The following POU6F2 variants were observed in gnomAD, a reference collection of about 807,000 sequenced individuals.
The protein encoded by POU6F2 is POU domain, class 6, transcription factor 2.
Under a neutral mutation model 71.3 loss-of-function variants are expected in POU6F2, and 31 were observed. That is an observed-to-expected ratio of 0.43 (90% CI 0.33 to 0.59). POU6F2 has a LOEUF of 0.59. Ranked by LOEUF, POU6F2 falls within the 20% of genes least tolerant of loss-of-function variation. POU6F2 has a pLI of 0.04. For missense variants in POU6F2, 783 were observed against 856.8 expected, an observed-to-expected ratio of 0.91 and a Z score of 1.07; for synonymous variants, 347 against 355.7, an observed-to-expected ratio of 0.98 and a Z score of 0.27.
At chr7:39,391,664 C>T (rs1787078356) in intron 5 of POU6F2, among the ~76,000 whole-genome samples, 1 of 152,188 alleles carries the variant, frequency 6.6e-6, no homozygotes, top group African/African-American at 2.4e-5. Flanking sequence ...TGGCAACCCT[C>T]TCTTGCAAAG....
At chr7:39,172,355 A>G (rs569080333) in intron 2 of POU6F2, among the ~76,000 whole-genome samples, 4 of 152,240 alleles carry the variant, frequency 2.6e-5, no homozygotes, top group African/African-American at 9.6e-5. Flanking sequence ...CATCCAGGTA[A>G]CATCATTTTG....
At chr7:39,136,645 G>T (rs529233005) in intron 2 of POU6F2, among the ~76,000 whole-genome samples, 1 of 152,188 alleles carries the variant, frequency 6.6e-6, no homozygotes, top group African/African-American at 2.4e-5. Flanking sequence ...TTGTCTCAAT[G>T]ATTGTTCCTT....
intron 4 of POU6F2, among the ~76,000 whole-genome samples, chr7:39,213,085 T>TAAATGTGCTACATAGGAGATTTATGTCA (rs2128747037): frequency 6.6e-6 from 1 of 152,352 alleles, no homozygotes; most frequent in African/African-American, 2.4e-5. Context: ...ATGGAGAATA[T>TAAATGTGCTACATAGGAGATTTATGTCA]AAATGTGCTA....
rs1788225563 is a variant in POU6F2, at chr7:38,978,054, G to A, written c.101G>A (p.Gly34Asp). ...QDTGTMQAVIGQDPMIAGQVS... is the reference protein window; with the variant it reads ...QDTGTMQAVIDQDPMIAGQVS... ...ACGGGGACCATGCAAGCTGTAATTG[G>A]TCAGGTATGGAGTCAGCCATTTCTC... The change falls in exon 1 of 10, where the codon GGT becomes GAT. Residue 34 changes from glycine (G) to aspartate (D), a missense_variant. Coordinates refer to ENST00000518318, the MANE Select transcript of POU6F2 (RefSeq NM_001370959.1). 1 of 152,190 alleles carries A rather than the reference G, an allele frequency of 6.6e-6. No homozygotes were observed. The highest frequency in any genetic ancestry group is 1.5e-5 in the Non-Finnish European group (1 of 68,062). The allele number at this position is 152,190 out of a possible 1,614,324, so 9.4% of individuals were successfully genotyped here.
chr7:39,421,100 G>C (rs182931892), intron 6 of POU6F2, among the ~76,000 whole-genome samples: 28 of 152,170 alleles, frequency 1.8e-4, no homozygotes, highest in African/African-American at 6.5e-4. Flanking sequence ...CTAATCATTA[G>C]GGATAAGGCT....
At chr7:39,301,684 A>G (rs1784950905) in intron 4 of POU6F2, among the ~76,000 whole-genome samples, 1 of 152,156 alleles carries the variant, frequency 6.6e-6, no homozygotes, top group Non-Finnish European at 1.5e-5. Context: ...TCCAGTCACT[A>G]ATGAAATGTT....
At chr7:38,984,057 C>CT (rs899757257) in intron 1 of POU6F2, among the ~76,000 whole-genome samples, 10 of 151,936 alleles carry the variant, frequency 6.6e-5, no homozygotes, top group African/African-American at 2.4e-4. Flanking sequence ...TTCAACAGCA[C>CT]TTTTTTAATT....
chr7:39,410,450 G>A (rs1787528971), intron 6 of POU6F2, among the ~76,000 whole-genome samples: 1 of 152,218 alleles, frequency 6.6e-6, no homozygotes, highest in Non-Finnish European at 1.5e-5. Context: ...AATTGATCAT[G>A]ACTATGGCAT....
intron 5 of POU6F2, among the ~76,000 whole-genome samples, chr7:39,372,897 G>A (rs1159545174): frequency 2.0e-5 from 3 of 151,862 alleles, no homozygotes; most frequent in African/African-American, 7.3e-5. Context: ...CTGAGTAATA[G>A]TAAGGATAAT....
At chr7:39,390,350 A>T (rs1334875584) in intron 5 of POU6F2, among the ~76,000 whole-genome samples, 1 of 152,156 alleles carries the variant, frequency 6.6e-6, no homozygotes, top group Non-Finnish European at 1.5e-5. Flanking sequence ...GAGCTGAGAT[A>T]GTGCCACTGC....
chr7:38,998,833 T>TA (rs1305783624), intron 1 of POU6F2, among the ~76,000 whole-genome samples: 19 of 142,672 alleles, frequency 1.3e-4, no homozygotes, highest in Admixed American at 1.3e-3. Context: ...TTTTTTTTTT[T>TA]TTTTTTATTT....
intron 5 of POU6F2, among the ~76,000 whole-genome samples, chr7:39,378,760 T>C (rs569447539): frequency 2.0e-5 from 3 of 152,314 alleles, no homozygotes; most frequent in South Asian, 4.2e-4. Context: ...GGAACACCAA[T>C]GTGAAATCCT....
intron 4 of POU6F2, among the ~76,000 whole-genome samples, chr7:39,212,566 A>G (rs755798044): frequency 7.9e-5 from 12 of 152,072 alleles, no homozygotes; most frequent in African/African-American, 2.7e-4. Flanking sequence ...AGTACCATCC[A>G]TCATCAGCTA....
At chr7:39,334,361 G>A (rs1361493573) in intron 4 of POU6F2, among the ~76,000 whole-genome samples, 1 of 152,092 alleles carries the variant, frequency 6.6e-6, no homozygotes, top group African/African-American at 2.4e-5. Flanking sequence ...AGGGAGGATT[G>A]GAGGCATATG....
chr7:39,290,399 C>A (rs978569280), intron 4 of POU6F2, among the ~76,000 whole-genome samples: 7 of 152,198 alleles, frequency 4.6e-5, no homozygotes, highest in African/African-American at 1.7e-4. Flanking sequence ...AAGCCACTCC[C>A]TGTACAGAAT....
At chr7:39,406,290 G>A (rs1235483877) in intron 5 of POU6F2, 1 of 342,722 alleles carries the variant, frequency 2.9e-6, no homozygotes, top group East Asian at 5.6e-5. Context: ...GGGCTTCTGC[G>A]AAATCATTTC....
At chr7:39,011,677 A>C (rs1345424282) in intron 1 of POU6F2, among the ~76,000 whole-genome samples, 3 of 150,402 alleles carry the variant, frequency 2.0e-5, no homozygotes, top group Non-Finnish European at 3.0e-5. Flanking sequence ...GTTCCTTTCC[A>C]TGTTTAGTGC....
intron 5 of POU6F2, among the ~76,000 whole-genome samples, chr7:39,398,361 A>G (rs1183025465): frequency 6.6e-6 from 1 of 151,716 alleles, no homozygotes; most frequent in Non-Finnish European, 1.5e-5. Flanking sequence ...AAAAACTTTT[A>G]TGATGGAAAA....
At chr7:39,248,102 A>G (rs1783851867) in intron 4 of POU6F2, among the ~76,000 whole-genome samples, 2 of 147,738 alleles carry the variant, frequency 1.4e-5, no homozygotes, top group South Asian at 4.3e-4. Flanking sequence ...CTTTTCCAGG[A>G]AAAAAAAAAG....
Sources: allele counts gnomAD v4.1 joint callset (sites outside exome capture counted in the v4.1 genomes callset), GRCh38; gene constraint gnomAD v4.1.1; transcripts MANE v1.5; gene names NCBI Gene and HGNC (gene_info 2026-07-23, HGNC 2026-07-21).